MEI1: variants seen among roughly 807,000 people sequenced by gnomAD.
The protein encoded by MEI1 is meiosis inhibitor protein 1.
MEI1 carries 103 observed loss-of-function variants against 146.2 expected under a neutral mutation model. The observed-to-expected ratio is 0.70, with a 90% CI of 0.60 to 0.83. The LOEUF (loss-of-function observed/expected upper bound fraction) is 0.83. Ranked by LOEUF, MEI1 falls within the 40% of genes least tolerant of loss-of-function variation. The pLI, the probability that MEI1 is intolerant of heterozygous loss-of-function variation, is 0.00. For synonymous variants in MEI1, 652 were observed against 628.2 expected, an observed-to-expected ratio of 1.04 and a Z score of -0.57; for missense variants, 1,529 against 1,533.0, an observed-to-expected ratio of 1.00 and a Z score of 0.04.
chr22:41,781,477 CAA>C (rs1420374952), intron 23 of MEI1, 83 bp downstream of exon 23: 2 of 1,274,744 alleles, frequency 1.6e-6, no homozygotes, highest in Non-Finnish European at 2.2e-6. Context: ...CTTAAAAAAA[CAA>C]ATAGGGTTGT....
chr22:41,715,489 G>A (rs1174835493), intron 4 of MEI1, among the ~76,000 whole-genome samples: 3 of 150,964 alleles, frequency 2.0e-5, no homozygotes, highest in East Asian at 3.9e-4. Context: ...TCCGCCTCCC[G>A]GGTTCACGCC....
At chr22:41,729,164 CAAAAA>C (rs386395490) in intron 7 of MEI1, among the ~76,000 whole-genome samples, 1 of 75,110 alleles carries the variant, frequency 1.3e-5, no homozygotes, top group African/African-American at 5.9e-5. Context: ...GACTCCGTCT[CAAAAA>C]AAAAAAAAAA....
rs1383260358 is a variant in MEI1 at position 41,758,490 on chromosome 22, T to C, written c.2077T>C (p.Cys693Arg). Reference sequence around the variant, plus strand: ...GGGAGCTGCTCGCCAGAGACAGTACTGCATCCTGCTCCTCTTCTACTTGGC... The same window carrying C: ...GGGAGCTGCTCGCCAGAGACAGTACCGCATCCTGCTCCTCTTCTACTTGGC... ...MEGAARQRQYCILLLFYLAYI... is the reference protein window; with the variant it reads ...MEGAARQRQYRILLLFYLAYI... Residue 693 changes from cysteine (C) to arginine (R), a missense_variant, in exon 18 of 31, where the codon TGC becomes CGC. Physicochemically the swap from Cys to Arg is radical, Grantham distance 180. Coordinates refer to ENST00000401548, the MANE Select transcript of MEI1 (RefSeq NM_152513.4). The C allele has an allele frequency of 6.2e-7, 1 of 1,613,610 alleles. No homozygotes were observed. Among genetic ancestry groups the C allele is most frequent in the African/African-American group, 1.3e-5 (1 of 74,928 alleles).
chr22:41,746,091 G>T, intron 14 of MEI1, 65 bp downstream of exon 14: 1 of 1,470,662 alleles, frequency 6.8e-7, no homozygotes. Context: ...AGGCGAGCCA[G>T]GCTCAGAGGC....
At chr22:41,740,755 A>AAAACAC (rs2072792370) in intron 11 of MEI1, among the ~76,000 whole-genome samples, 1 of 152,090 alleles carries the variant, frequency 6.6e-6, no homozygotes, top group African/African-American at 2.4e-5. Context: ...AACAAAAACA[A>AAAACAC]ACCCAAGAAT....
intron 4 of MEI1, among the ~76,000 whole-genome samples, chr22:41,714,292 T>C (rs976157010): frequency 5.3e-5 from 8 of 152,204 alleles, no homozygotes; most frequent in Non-Finnish European, 1.0e-4. Flanking sequence ...ATCTCCCAAA[T>C]GTTACCTCCA....
At chr22:41,783,114 G>T (rs1433702948) in intron 24 of MEI1, among the ~76,000 whole-genome samples, 2 of 152,032 alleles carry the variant, frequency 1.3e-5, no homozygotes, top group Non-Finnish European at 2.9e-5. Context: ...AGGCATTTGT[G>T]CTTCTCCCAG....
chr22:41,723,940 T>C lies in MEI1; in HGVS notation c.734-3T>C. 6.3e-7 allele frequency: 1 copy of C among 1,592,730 alleles called. No individual in the cohort carries two copies. The highest frequency in any genetic ancestry group is 8.6e-7 in the Non-Finnish European group (1 of 1,169,296). On this transcript the variant is annotated splice_region_variant and splice_polypyrimidine_tract_variant and intron_variant, in intron 6 of 30. Coordinates refer to ENST00000401548, the MANE Select transcript of MEI1 (RefSeq NM_152513.4). ...CTTACTTCCCAATCCCTTTGTTTCC[T>C]AGGTTTGCTGAGGCAGCTGTTGAAG...
intron 15 of MEI1, among the ~76,000 whole-genome samples, chr22:41,749,796 G>T (rs1296251584): frequency 6.6e-6 from 1 of 152,090 alleles, no homozygotes; most frequent in African/African-American, 2.4e-5. Flanking sequence ...GGGCTTGAAA[G>T]AGAGGGAACA....
At chr22:41,776,824 T>C (rs1208792450) in intron 21 of MEI1, among the ~76,000 whole-genome samples, 1 of 152,070 alleles carries the variant, frequency 6.6e-6, no homozygotes, top group Non-Finnish European at 1.5e-5. Context: ...TTTATTATTA[T>C]TTTATTTTTG....
intron 27 of MEI1, 41 bp from the exon 28 acceptor site, chr22:41,794,330 G>A: frequency 6.5e-7 from 1 of 1,538,288 alleles, no homozygotes; most frequent in East Asian, 2.2e-5. Flanking sequence ...ATGTCCCAAG[G>A]CAAGGTCTTG....
At position 41,795,320 on chromosome 22, in the gene MEI1, C is replaced by T. The variant is rs2076322750; in HGVS notation, c.3535-91C>T. ...CAGGCAGGTTCTGTGGGCTTCAGGA[C>T]AGTGTCTCCTAAAGTTGGGGCACAG... On this transcript the variant is annotated intron_variant, in intron 28 of 30. Coordinates refer to ENST00000401548, the MANE Select transcript of MEI1 (RefSeq NM_152513.4). This position sits in a 1 kb window ranked among gnomAD's most constrained non-coding sequence, Gnocchi z 4.2. 6.5e-7 allele frequency: 1 copy of T among 1,535,342 alleles called. No individual in the cohort carries two copies. The highest frequency in any genetic ancestry group is 2.2e-4 in the Middle Eastern group (1 of 4,550).
At chr22:41,714,600 A>G (rs113938766) in intron 4 of MEI1, among the ~76,000 whole-genome samples, 1,804 of 152,048 alleles carry the variant, frequency 0.012, 40 homozygotes, top group African/African-American at 0.041. Flanking sequence ...GCCAGGCACA[A>G]TGGCTCACAC....
At chr22:41,716,236 G>A in intron 5 of MEI1, 90 bp downstream of exon 5, 2 of 849,276 alleles carry the variant, frequency 2.4e-6, no homozygotes, top group South Asian at 3.2e-5. Flanking sequence ...TGTACACCTG[G>A]GAAGTCATTA....
At chr22:41,794,811 A>C (rs991713567) in intron 28 of MEI1, among the ~76,000 whole-genome samples, 5 of 152,226 alleles carry the variant, frequency 3.3e-5, no homozygotes, top group African/African-American at 1.2e-4. Flanking sequence ...ACGACAGACA[A>C]GTAAACTAGT....
chr22:41,716,845 A>G (rs928744498), intron 5 of MEI1, among the ~76,000 whole-genome samples: 1 of 151,338 alleles, frequency 6.6e-6, no homozygotes, highest in African/African-American at 2.4e-5. Flanking sequence ...GCCTGCCACC[A>G]TGCCTGGCTA....
At chr22:41,724,479 G>A (rs777707587) in intron 7 of MEI1, among the ~76,000 whole-genome samples, 5 of 152,116 alleles carry the variant, frequency 3.3e-5, no homozygotes, top group Non-Finnish European at 5.9e-5. Context: ...TTAGCTGGGC[G>A]TGGTGGCACA....
intron 26 of MEI1, among the ~76,000 whole-genome samples, chr22:41,790,394 G>A (rs928983674): frequency 6.6e-6 from 1 of 151,812 alleles, no homozygotes; most frequent in African/African-American, 2.4e-5. Flanking sequence ...CTTAAAACTC[G>A]CTTTTTATTC....
At chr22:41,745,146 G>T in intron 13 of MEI1, 82 bp downstream of exon 13, 1 of 982,810 alleles carries the variant, frequency 1.0e-6, no homozygotes, top group Non-Finnish European at 1.4e-6. Flanking sequence ...AGTTCTAGAG[G>T]CAACACTTGA....
Sources: allele counts gnomAD v4.1 joint callset (sites outside exome capture counted in the v4.1 genomes callset), GRCh38; gene constraint gnomAD v4.1.1; non-coding constraint Gnocchi (gnomAD v3.1); transcripts MANE v1.5; gene names NCBI Gene and HGNC (gene_info 2026-07-23, HGNC 2026-07-21).